NPM1: variants seen among roughly 807,000 people sequenced by gnomAD.
NPM1 encodes nucleophosmin.
Under a neutral mutation model 44.1 loss-of-function variants are expected in NPM1, and 1 was observed. The observed-to-expected ratio is 0.02, with a 90% confidence interval of 0.01 to 0.11. NPM1 has a LOEUF of 0.11. Among genes scored for constraint, NPM1 ranks in the 10% least tolerant of loss-of-function variants. The probability of loss-of-function intolerance (pLI) is 1.00; values close to 1 mark genes in which losing one functional copy is unlikely to be tolerated. For missense variants in NPM1, 197 were observed against 347.8 expected, an observed-to-expected ratio of 0.57 and a Z score of 3.45; for synonymous variants, 126 against 111.8, an observed-to-expected ratio of 1.13 and a Z score of -0.80.
Position 171,400,970 on chromosome 5 carries a change from GA to G in NPM1, c.669+50del, listed in dbSNP as rs767668814. The G allele has an allele frequency of 1.9e-5, 25 of 1,298,048 alleles. No individual in the cohort carries two copies. The East Asian group carries it at 5.3e-4, about 28-fold the overall frequency. The allele number at this position is 1,298,048 out of a possible 1,614,324, so 80.4% of individuals were successfully genotyped here. On this transcript the variant is annotated intron_variant, in intron 8 of 10. Transcript: ENST00000296930. ...CGTGGGTCTCATTGATCTAGTTGGGGAAAAAGATTCTACTGTGGAAGAATCT... is the reference window on the plus strand; with the variant it reads ...CGTGGGTCTCATTGATCTAGTTGGGGAAAAGATTCTACTGTGGAAGAATCT...
intron 7 of NPM1, 86 bp from the exon 8 acceptor site, chr5:171,400,753 G>A (rs983586893): frequency 5.5e-5 from 48 of 874,490 alleles, no homozygotes; most frequent in Non-Finnish European, 8.8e-5. Flanking sequence ...GCCTGTGGTT[G>A]CTGCTTGTCT....
Position 171,406,528 on chromosome 5 carries a change from A to G in NPM1, c.771+1125A>G, listed in dbSNP as rs147082300. On this transcript the variant is annotated intron_variant, in intron 9 of 10. Coordinates refer to ENST00000296930, the MANE Select transcript of NPM1 (RefSeq NM_002520.7). ...ACTGAAGTCTTCTATTTTAATCTCA[A>G]TCCCCTTTTCTGATTTGCCACCCAT... 1,415 of 1,536,482 alleles carry G rather than the reference A, an allele frequency of 9.2e-4. 10 individuals are homozygous for G. In the African/African-American group the frequency reaches 0.018, roughly 19 times the overall value.
chr5:171,391,148 A>C (rs1274574171), intron 2 of NPM1, 157 bp from the exon 3 acceptor site: 20 of 829,512 alleles, frequency 2.4e-5, no homozygotes, highest in Non-Finnish European at 3.4e-5. Flanking sequence ...GTATAAGCAC[A>C]TTCTTATGAT....
chr5:171,400,995 C>T, intron 8 of NPM1, 70 bp downstream of exon 8: 1 of 1,079,382 alleles, frequency 9.3e-7, no homozygotes, highest in Admixed American at 1.8e-5. Flanking sequence ...GTGGAAGAAT[C>T]TAGTGTGTCT....
In NPM1 at chr5:171,387,878, G is replaced by A. The variant is rs907846826; in HGVS notation, c.-71G>A. The stretch of plus-strand genomic sequence containing the variant: ...CCCTGGTGTGATTCCGTCCTGCGCG[G>A]TTGTTCTCTGGAGCAGCGTTCTTTT... On this transcript the variant is annotated 5_prime_UTR_variant, in exon 1 of 11. Transcript: ENST00000296930. 13 of 1,430,248 alleles carry A rather than the reference G, an allele frequency of 9.1e-6. No homozygotes were observed. Among genetic ancestry groups the A allele is most frequent in the South Asian group, 1.2e-5 (1 of 86,816 alleles). The allele number at this position is 1,430,248 out of a possible 1,614,324, so 88.6% of individuals were successfully genotyped here. A position where few individuals can be genotyped will look rare whatever the true frequency, so the allele number is the denominator to read the frequency against.
intron 9 of NPM1, chr5:171,406,676 T>A: frequency 1.6e-6 from 2 of 1,289,628 alleles, no homozygotes; most frequent in Non-Finnish European, 2.0e-6. Flanking sequence ...GACAATGTTT[T>A]AAATCGCCTT....
chr5:171,397,427 C>G (rs530799456), intron 6 of NPM1, among the ~76,000 whole-genome samples: 2 of 152,298 alleles, frequency 1.3e-5, no homozygotes, highest in East Asian at 1.9e-4. Flanking sequence ...TGATTTCACT[C>G]CAACCTACTG....
At chr5:171,396,002 G>A (rs4868085) in intron 6 of NPM1, among the ~76,000 whole-genome samples, 2,731 of 146,778 alleles carry the variant, frequency 0.019, 59 homozygotes, top group East Asian at 0.081. Context: ...CTGTTGCCCC[G>A]GCTGAAGTGC....
intron 10 of NPM1, among the ~76,000 whole-genome samples, chr5:171,408,311 A>G (rs1307776672): frequency 6.6e-6 from 1 of 152,198 alleles, no homozygotes; most frequent in African/African-American, 2.4e-5. Flanking sequence ...TAGTCAACAT[A>G]AAGATTATGC....
chr5:171,405,641 A>G, intron 9 of NPM1: 2 of 462,544 alleles, frequency 4.3e-6, no homozygotes, highest in Non-Finnish European at 7.7e-6. Context: ...AACGTAGTGC[A>G]CTGGTTGCAA....
intron 8 of NPM1, among the ~76,000 whole-genome samples, chr5:171,404,943 T>G (rs1204895188): frequency 3.3e-5 from 5 of 152,008 alleles, no homozygotes; most frequent in Non-Finnish European, 7.3e-5. Flanking sequence ...TTACTCTTTT[T>G]TTTTTTATTT....
chr5:171,391,931 T>G (rs191051017), intron 4 of NPM1, 132 bp downstream of exon 4: 1 of 454,582 alleles, frequency 2.2e-6, no homozygotes, highest in Non-Finnish European at 3.9e-6. Context: ...GTCTAGAAAT[T>G]GGAGAGGACA....
intron 10 of NPM1, among the ~76,000 whole-genome samples, chr5:171,408,526 ATTTAATTGCACTTCAATTT>A (rs1771678089): frequency 6.6e-6 from 1 of 152,092 alleles, no homozygotes; most frequent in Admixed American, 6.5e-5. Context: ...CACTTCAATT[ATTTAATTGCACTTCAATTT>A]TTAGTTTTCG....
At chr5:171,403,761 C>T (rs1179563581) in intron 8 of NPM1, among the ~76,000 whole-genome samples, 6 of 131,828 alleles carry the variant, frequency 4.6e-5, no homozygotes, top group Admixed American at 1.5e-4. Flanking sequence ...CCCTCCCGGA[C>T]GGGGCGGCTG....
At chr5:171,407,601 G>A (rs1771639869) in intron 9 of NPM1, 99 bp from the exon 10 acceptor site, 1 of 740,996 alleles carries the variant, frequency 1.3e-6, no homozygotes, top group Non-Finnish European at 2.4e-6. Flanking sequence ...AGAATAAACT[G>A]ATCCATGTAG....
At chr5:171,410,056 A>T (rs1044217580) in intron 10 of NPM1, among the ~76,000 whole-genome samples, 2 of 152,278 alleles carry the variant, frequency 1.3e-5, no homozygotes, top group East Asian at 3.9e-4. Context: ...TCAGTCTCCC[A>T]AAGTGTAGGG....
At chr5:171,396,172 G>A (rs1216467615) in intron 6 of NPM1, among the ~76,000 whole-genome samples, 1 of 151,958 alleles carries the variant, frequency 6.6e-6, no homozygotes, top group African/African-American at 2.4e-5. Context: ...ATAGAGATGG[G>A]GTTTCGCCAT....
chr5:171,387,170 T>C (rs554778896), upstream of NPM1: 1 of 152,306 alleles, frequency 6.6e-6, no homozygotes, highest in East Asian at 1.9e-4. Context: ...GGCCCCCAAG[T>C]TACGTAAAGA....
intron 4 of NPM1, 65 bp from the exon 5 acceptor site, chr5:171,392,643 CAG>C (rs1226202193): frequency 3.6e-5 from 32 of 894,762 alleles, no homozygotes; most frequent in Non-Finnish European, 4.6e-5. Flanking sequence ...TATTTACTAT[CAG>C]TGTTCTTTTT....
Sources: allele counts gnomAD v4.1 joint callset (sites outside exome capture counted in the v4.1 genomes callset), GRCh38; gene constraint gnomAD v4.1.1; transcripts MANE v1.5; gene names NCBI Gene and HGNC (gene_info 2026-07-23, HGNC 2026-07-21).